The following RFPL1 variants were observed in gnomAD, a reference collection of about 807,000 sequenced individuals.
RFPL1 encodes the protein ret finger protein like 1.
Under a neutral mutation model 9.6 loss-of-function variants are expected in RFPL1, and 6 were observed. That is an observed-to-expected ratio of 0.62 (90% confidence interval 0.34 to 1.23). RFPL1 has a LOEUF of 1.23. Among genes scored for constraint, RFPL1 ranks in the 50% most tolerant of loss-of-function variants. RFPL1 has a pLI of 0.03. For synonymous variants in RFPL1, 145 were observed against 149.4 expected, an observed-to-expected ratio of 0.97 and a Z score of 0.22; for missense variants, 352 against 398.4, an observed-to-expected ratio of 0.88 and a Z score of 0.99.
the RFPL1 span, among the ~76,000 whole-genome samples, chr22:29,399,994 CTTTTTT>C: frequency 1.7e-5 from 2 of 116,276 alleles, no homozygotes; most frequent in Non-Finnish European, 3.5e-5. Flanking sequence ...CTTTTCTTTT[CTTTTTT>C]TTTTTTTTTT....
At chr22:29,417,117 C>T in the RFPL1 span, among the ~76,000 whole-genome samples, 35,921 of 151,494 alleles carry the variant, frequency 0.24, 4,996 homozygotes, top group East Asian at 0.6. Flanking sequence ...TGGAAGATGA[C>T]GCACCAGGAA....
chr22:29,441,898 C>T lies in RFPL1; in HGVS notation c.730C>T (p.Arg244Ter), dbSNP rs769367745. 10 of 1,612,562 alleles carry T rather than the reference C, an allele frequency of 6.2e-6. No individual in the cohort carries two copies. The highest frequency in any genetic ancestry group is 2.2e-5 in the South Asian group (2 of 91,006). The change falls in exon 2 of 2, where the codon CGA becomes TGA. Residue 244 changes from arginine (R) to a stop codon, truncating the protein, a stop_gained. Coordinates refer to ENST00000354373, the Ensembl canonical transcript of RFPL1. LOFTEE classifies it low-confidence loss of function (END_TRUNC). ...CCTCTTCGTAGACCGCAAGTTACAG[C>T]GAGTGGGGATTTTTCTGGATATGGG...
At chr22:29,421,676 C>A in the RFPL1 span, among the ~76,000 whole-genome samples, 2 of 151,298 alleles carry the variant, frequency 1.3e-5, no homozygotes, top group Non-Finnish European at 3.0e-5. Context: ...TCACCCTCCT[C>A]GGTAGCTCAT....
chr22:29,396,057 GGAAGAGAAGAGAAGATAAGAGAAAAGA>G, the RFPL1 span, among the ~76,000 whole-genome samples: 1 of 151,682 alleles, frequency 6.6e-6, no homozygotes, highest in Admixed American at 6.6e-5. Context: ...GAGAAGAGAA[GGAAGAGAAGAGAAGATAAGAGAAAAGA>G]GAAGAGAAGA....
the RFPL1 span, among the ~76,000 whole-genome samples, chr22:29,415,435 T>C: frequency 1.3e-5 from 2 of 152,232 alleles, no homozygotes; most frequent in African/African-American, 4.8e-5. Context: ...GGGCCTGCCA[T>C]GCACTGCTCT....
chr22:29,389,175 C>G, the RFPL1 span, among the ~76,000 whole-genome samples: 2 of 152,080 alleles, frequency 1.3e-5, no homozygotes, highest in African/African-American at 4.8e-5. Context: ...AGAGGGGTCT[C>G]TCTCTGTCCA....
the RFPL1 span, among the ~76,000 whole-genome samples, chr22:29,405,892 G>C: frequency 2.1e-4 from 32 of 151,480 alleles, no homozygotes; most frequent in Non-Finnish European, 4.4e-4. Flanking sequence ...GGTGGATCAC[G>C]AGGTCAGGAG....
chr22:29,422,697 C>T, the RFPL1 span, among the ~76,000 whole-genome samples: 6 of 152,064 alleles, frequency 3.9e-5, no homozygotes, highest in South Asian at 4.2e-4. Flanking sequence ...GAGCCAAGAT[C>T]GCGCCACTGC....
the RFPL1 span, among the ~76,000 whole-genome samples, chr22:29,410,356 ATG>A: frequency 1.4e-5 from 1 of 70,422 alleles, no homozygotes. Context: ...ATAGATATAT[ATG>A]TAGATATATA....
At chr22:29,439,137 A>G in exon 1 of RFPL1, 10 of 1,614,192 alleles carry the variant, frequency 6.2e-6, no homozygotes, top group Non-Finnish European at 8.5e-6. Context: ...GATTCTGCAG[A>G]TGAACCCAAG....
chr22:29,439,097 C>A, exon 1 of RFPL1: 4 of 1,614,156 alleles, frequency 2.5e-6, no homozygotes, highest in Non-Finnish European at 3.4e-6. Flanking sequence ...TGGCTTCCCA[C>A]ATCAAGGAAC....
At chr22:29,401,320 C>CTG in the RFPL1 span, among the ~76,000 whole-genome samples, 5 of 152,124 alleles carry the variant, frequency 3.3e-5, no homozygotes, top group Admixed American at 6.6e-5. Context: ...ATTTGAGTTA[C>CTG]TGTGTGTGTG....
At chr22:29,435,354 T>C (rs2062803637), upstream of RFPL1, among the ~76,000 whole-genome samples, 2 of 152,214 alleles carry the variant, frequency 1.3e-5, no homozygotes, top group African/African-American at 4.8e-5. Flanking sequence ...CCTTCTTCCC[T>C]GGAGCATCTG....
chr22:29,409,197 A>G, the RFPL1 span, among the ~76,000 whole-genome samples: 1 of 151,734 alleles, frequency 6.6e-6, no homozygotes, highest in South Asian at 2.1e-4. Flanking sequence ...TCATCTTAGA[A>G]CCTCTTTATT....
rs149680066 is a variant in RFPL1 at position 29,441,749 on chromosome 22, T to C, written c.581T>C (p.Leu194Pro). 27 of 1,613,924 alleles carry C rather than the reference T, an allele frequency of 1.7e-5. No individual in the cohort carries two copies. Among genetic ancestry groups the C allele is most frequent in the Admixed American group, 1.7e-4 (10 of 60,004 alleles). ...GTGGGAACAAGCACAGAATGGGACC[T>C]GGGAGTCTGCAGAGAATCTGTTCAC... Residue 194 changes from leucine to proline, a missense_variant, in exon 2 of 2, where the codon CTG becomes CCG. By Grantham distance (98) the Leu-to-Pro change is moderately conservative. Coordinates refer to ENST00000354373, the Ensembl canonical transcript of RFPL1.
the RFPL1 span, among the ~76,000 whole-genome samples, chr22:29,394,399 G>A: frequency 1.3e-5 from 2 of 151,486 alleles, no homozygotes; most frequent in Non-Finnish European, 2.9e-5. Flanking sequence ...CTGGAGTGCG[G>A]TGGTGCGGTC....
At chr22:29,430,206 G>T in the RFPL1 span, among the ~76,000 whole-genome samples, 1 of 152,038 alleles carries the variant, frequency 6.6e-6, no homozygotes, top group Non-Finnish European at 1.5e-5. Context: ...ATGATTTTTG[G>T]GGGGCAGTGG....
the RFPL1 span, among the ~76,000 whole-genome samples, chr22:29,412,196 A>G: frequency 6.6e-6 from 1 of 152,172 alleles, no homozygotes; most frequent in African/African-American, 2.4e-5. Flanking sequence ...GATGGACTTC[A>G]GGGTCAGGCC....
the RFPL1 span, among the ~76,000 whole-genome samples, chr22:29,424,145 A>T: frequency 1.3e-5 from 2 of 152,100 alleles, no homozygotes; most frequent in African/African-American, 4.8e-5. Flanking sequence ...GCACCACTGC[A>T]CTTCAGCCTG....
Sources: allele counts gnomAD v4.1 joint callset (sites outside exome capture counted in the v4.1 genomes callset), GRCh38; gene constraint gnomAD v4.1.1; transcripts MANE v1.5; gene names NCBI Gene and HGNC (gene_info 2026-07-23, HGNC 2026-07-21).